The following NTM variants were observed in gnomAD, a reference collection of about 807,000 sequenced individuals.
NTM encodes neurotrimin.
Under a neutral mutation model 42.1 loss-of-function variants are expected in NTM, and 13 were observed. The observed-to-expected ratio is 0.31, with a 90% CI of 0.20 to 0.49. The LOEUF is 0.49. Among genes scored for constraint, NTM ranks in the 20% least tolerant of loss-of-function variants. The pLI is 0.99. For missense variants in NTM, 373 were observed against 452.8 expected, an observed-to-expected ratio of 0.82 and a Z score of 1.60; for synonymous variants, 187 against 179.2, an observed-to-expected ratio of 1.04 and a Z score of -0.35.
At chr11:132,035,606 A>G (rs1000712466) in intron 2 of NTM, among the ~76,000 whole-genome samples, 2 of 152,114 alleles carry the variant, frequency 1.3e-5, no homozygotes, top group Non-Finnish European at 1.5e-5. Flanking sequence ...GGGAATGTAA[A>G]TTGGCTATTG....
At chr11:131,456,894 G>A (rs983311559) in intron 1 of NTM, among the ~76,000 whole-genome samples, 12 of 152,100 alleles carry the variant, frequency 7.9e-5, no homozygotes, top group African/African-American at 1.9e-4. Flanking sequence ...TGATTTTCAT[G>A]CTTTTCTGAC....
chr11:131,643,889 T>C (rs1418307735), intron 1 of NTM, among the ~76,000 whole-genome samples: 1 of 152,180 alleles, frequency 6.6e-6, no homozygotes, highest in East Asian at 1.9e-4. Flanking sequence ...CAGAGGTGTG[T>C]CCTGAGGGTA....
At chr11:131,527,052 C>A (rs2050591265) in intron 1 of NTM, among the ~76,000 whole-genome samples, 1 of 152,174 alleles carries the variant, frequency 6.6e-6, no homozygotes, top group South Asian at 2.1e-4. Flanking sequence ...GACAAGTCAG[C>A]CTGGCAACCT....
chr11:131,809,395 C>T (rs898616966), intron 1 of NTM, among the ~76,000 whole-genome samples: 3 of 152,198 alleles, frequency 2.0e-5, no homozygotes, highest in African/African-American at 7.2e-5. Flanking sequence ...TCTAGACTTC[C>T]CTGTCCCAAG....
chr11:131,546,415 A>G (rs1196241578), intron 1 of NTM, among the ~76,000 whole-genome samples: 4 of 152,194 alleles, frequency 2.6e-5, no homozygotes, highest in East Asian at 1.9e-4. Flanking sequence ...CTGGCATCCC[A>G]TCGCAAGAGA....
chr11:131,648,151 C>T (rs543326428), intron 1 of NTM, among the ~76,000 whole-genome samples: 14 of 152,156 alleles, frequency 9.2e-5, no homozygotes, highest in Non-Finnish European at 1.9e-4. Context: ...GGGTGATGGC[C>T]TCCAGCTCCA....
At chr11:131,980,220 G>C (rs2065033360) in intron 2 of NTM, among the ~76,000 whole-genome samples, 17 of 152,160 alleles carry the variant, frequency 1.1e-4, no homozygotes, top group Admixed American at 1.1e-3. Context: ...TTCCCGGATT[G>C]GTAGCCAGAT....
chr11:131,735,478 A>C (rs1297481959), intron 1 of NTM, among the ~76,000 whole-genome samples: 2 of 152,230 alleles, frequency 1.3e-5, no homozygotes, highest in African/African-American at 4.8e-5. Flanking sequence ...GTGATGAAAC[A>C]CACAGGTGTG....
intron 2 of NTM, among the ~76,000 whole-genome samples, chr11:132,087,177 T>A (rs963175758): frequency 6.6e-6 from 1 of 152,166 alleles, no homozygotes; most frequent in Non-Finnish European, 1.5e-5. Flanking sequence ...GTGACCTTGA[T>A]AGGGTGCCAC....
rs564709858 is a variant in NTM, at chr11:131,771,126, T to A, written c.83-140438T>A. The A allele has an allele frequency of 2.6e-5, 4 of 152,260 alleles. No homozygotes were observed. The South Asian group carries it at 8.3e-4, about 32-fold the overall frequency. The allele number at this position is 152,260 out of a possible 1,614,324, so 9.4% of individuals were successfully genotyped here. On this transcript the variant is annotated intron_variant, in intron 1 of 8. Coordinates refer to ENST00000683400, the MANE Select transcript of NTM (RefSeq NM_001352005.2). ...AACCGTAAAACTTATAAAAAAAAAG[T>A]TCGGCCATAAAAAAAATATAGTCTC...
intron 1 of NTM, chr11:131,910,217 C>T (rs2054508601): frequency 6.6e-6 from 1 of 152,172 alleles, no homozygotes; most frequent in Non-Finnish European, 1.5e-5. Flanking sequence ...TCTGAGTTTA[C>T]TCTGAATGCT....
At chr11:131,688,786 C>T (rs985500318) in intron 1 of NTM, among the ~76,000 whole-genome samples, 7 of 152,214 alleles carry the variant, frequency 4.6e-5, no homozygotes, top group African/African-American at 1.7e-4. Flanking sequence ...GTCCTGCTGT[C>T]TGGAGCACCA....
intron 7 of NTM, among the ~76,000 whole-genome samples, chr11:132,327,186 A>G (rs1413764454): frequency 1.3e-5 from 2 of 152,232 alleles, no homozygotes; most frequent in African/African-American, 4.8e-5. Context: ...TCTGCACAGT[A>G]AACTGTACTC....
intron 3 of NTM, among the ~76,000 whole-genome samples, chr11:132,160,965 A>G (rs566326103): frequency 1.3e-5 from 2 of 152,286 alleles, no homozygotes; most frequent in African/African-American, 4.8e-5. Context: ...ACTTCGGGAT[A>G]TTTCTTAAGG....
At position 132,217,356 on chromosome 11, in the gene NTM, T is replaced by TGTGTG. The variant is rs1491403568; in HGVS notation, c.526+5209_526+5210insGTGTG. On this transcript the variant is annotated intron_variant, in intron 4 of 8. Coordinates refer to ENST00000683400, the MANE Select transcript of NTM (RefSeq NM_001352005.2). ...TGCCTCTTTCTCTCTCTCTCTCTCT[T>TGTGTG]TCTGTGTGTGTGTGTGTGTGTGTGT... Among the ~76,000 whole-genome samples the TGTGTG allele has an allele frequency of 5.0e-3, 680 of 135,258 alleles. 4 individuals are homozygous for TGTGTG. Among genetic ancestry groups the TGTGTG allele is most frequent in the Middle Eastern group, 0.011 (3 of 268 alleles). 88.7% of individuals were successfully genotyped at this position (135,258 alleles called of 152,430 possible).
At chr11:131,910,946 T>C in intron 1 of NTM, 1 of 987,894 alleles carries the variant, frequency 1.0e-6, no homozygotes. Context: ...TCCCGCGAGC[T>C]CCACTTCCCA....
At chr11:131,481,398 G>A (rs776552643) in intron 1 of NTM, among the ~76,000 whole-genome samples, 1 of 152,220 alleles carries the variant, frequency 6.6e-6, no homozygotes, top group Non-Finnish European at 1.5e-5. Flanking sequence ...GAGAAGGTGA[G>A]TCATAGGACT....
At chr11:132,180,047 A>G (rs577057417) in intron 3 of NTM, among the ~76,000 whole-genome samples, 2 of 152,266 alleles carry the variant, frequency 1.3e-5, no homozygotes, top group South Asian at 4.1e-4. Context: ...CGTTTCTTAA[A>G]TCTCTTTAAA....
intron 1 of NTM, among the ~76,000 whole-genome samples, chr11:131,867,600 CTGTG>C (rs1036680059): frequency 2.7e-5 from 4 of 150,480 alleles, no homozygotes; most frequent in African/African-American, 9.8e-5. Flanking sequence ...GTACACATAC[CTGTG>C]TGTGTATGTA....
Sources: gnomAD v4.1 joint callset for allele counts (sites outside exome capture counted in the v4.1 genomes callset) on GRCh38, gnomAD v4.1.1 for gene constraint, MANE v1.5 for transcripts, NCBI Gene and HGNC (gene_info 2026-07-23, HGNC 2026-07-21) for gene names.